Variants in NTN1 observed in about 807,000 individuals in gnomAD.
NTN1 encodes netrin 1, also known as netrin-1.
A neutral mutation model predicts 54.2 loss-of-function variants in NTN1; 11 were observed. That is an observed-to-expected ratio of 0.20 (90% CI 0.13 to 0.34). NTN1 has a LOEUF of 0.34. Ranked by LOEUF, NTN1 falls within the 10% of genes least tolerant of loss-of-function variation. The pLI is 1.00. For synonymous variants in NTN1, 371 were observed against 382.0 expected, an observed-to-expected ratio of 0.97 and a Z score of 0.33; for missense variants, 740 against 893.1, an observed-to-expected ratio of 0.83 and a Z score of 2.18.
intron 2 of NTN1, among the ~76,000 whole-genome samples, chr17:9,041,528 T>C (rs1218193387): frequency 6.6e-6 from 1 of 152,262 alleles, no homozygotes; most frequent in South Asian, 2.1e-4. Context: ...CATTTCCTTT[T>C]AATGGCTGAA....
intron 3 of NTN1, chr17:9,175,404 T>C (rs1597519214): frequency 6.6e-6 from 1 of 152,228 alleles, no homozygotes; most frequent in Non-Finnish European, 1.5e-5. Flanking sequence ...GAAGGCCCGG[T>C]GTGCCCTGCA....
chr17:9,182,860 TGTC>T (rs1597524519), intron 4 of NTN1, 53 bp from the exon 5 acceptor site: 2 of 1,575,352 alleles, frequency 1.3e-6, no homozygotes, highest in East Asian at 4.5e-5. Flanking sequence ...CAAAAAATCA[TGTC>T]GTCTTACCTT....
At chr17:9,125,013 T>A (rs1328981041) in intron 2 of NTN1, among the ~76,000 whole-genome samples, 2 of 152,184 alleles carry the variant, frequency 1.3e-5, no homozygotes, top group Non-Finnish European at 2.9e-5. Flanking sequence ...TGTATGTGTG[T>A]TTCTTTTGTA....
chr17:9,163,332 TCTC>T (rs1255537313), intron 3 of NTN1, among the ~76,000 whole-genome samples: 1 of 151,976 alleles, frequency 6.6e-6, no homozygotes, highest in Non-Finnish European at 1.5e-5. Context: ...CTCCTGGGCT[TCTC>T]CTCTGCACAG....
rs146673028 is a variant in NTN1 at position 9,196,524 on chromosome 17, T to C, written c.1411+13555T>C. ...CTCTCCCTCTGCTCCTAAAGCTGTT[T>C]GTGCGGCCACACAATGCAAGTCTCC... On this transcript the variant is annotated intron_variant, in intron 5 of 6. Coordinates refer to ENST00000173229, the MANE Select transcript of NTN1 (RefSeq NM_004822.3). Among the ~76,000 whole-genome samples, 13 of 152,364 alleles carry C rather than the reference T, an allele frequency of 8.5e-5. No individual in the cohort carries two copies. In the East Asian group the frequency reaches 2.5e-3, roughly 29 times the overall value.
chr17:9,119,256 C>T (rs901790561), intron 2 of NTN1, among the ~76,000 whole-genome samples: 4 of 152,060 alleles, frequency 2.6e-5, no homozygotes, highest in East Asian at 3.8e-4. Context: ...GGTGCGATCT[C>T]GGCTCACTGC....
At chr17:9,077,748 T>C (rs1257815363) in intron 2 of NTN1, among the ~76,000 whole-genome samples, 1 of 152,180 alleles carries the variant, frequency 6.6e-6, no homozygotes, top group Non-Finnish European at 1.5e-5. Flanking sequence ...AAAAGAAATG[T>C]ATAAACCACC....
At chr17:9,045,725 A>G (rs1426941044) in intron 2 of NTN1, among the ~76,000 whole-genome samples, 1 of 152,226 alleles carries the variant, frequency 6.6e-6, no homozygotes, top group Non-Finnish European at 1.5e-5. Flanking sequence ...TGAGCCAGAA[A>G]ACAAATATTC....
At chr17:9,184,418 C>T (rs1223826313) in intron 5 of NTN1, among the ~76,000 whole-genome samples, 1 of 152,196 alleles carries the variant, frequency 6.6e-6, no homozygotes, top group African/African-American at 2.4e-5. Context: ...CAGCACAATT[C>T]AAAGGAACAT....
intron 2 of NTN1, among the ~76,000 whole-genome samples, chr17:9,032,344 C>T (rs976191629): frequency 2.6e-4 from 40 of 152,228 alleles, no homozygotes; most frequent in Middle Eastern, 3.2e-3. Context: ...TCCGCCCCGA[C>T]GTTTCTGGGC....
chr17:9,233,694 G>A (rs1231852820), intron 6 of NTN1, among the ~76,000 whole-genome samples: 1 of 152,022 alleles, frequency 6.6e-6, no homozygotes, highest in African/African-American at 2.4e-5. Flanking sequence ...CATTCTTCAG[G>A]TTGCCTTTGA....
intron 2 of NTN1, among the ~76,000 whole-genome samples, chr17:9,028,896 T>C (rs902716643): frequency 1.1e-4 from 17 of 152,234 alleles, no homozygotes; most frequent in African/African-American, 4.1e-4. Context: ...AACAGCCTTA[T>C]CTGTGGATGC....
chr17:9,103,805 G>T (rs945023677), intron 2 of NTN1, among the ~76,000 whole-genome samples: 2 of 152,030 alleles, frequency 1.3e-5, no homozygotes, highest in African/African-American at 2.4e-5. Flanking sequence ...CAAGTACTAG[G>T]CTGGGTGCTG....
chr17:9,073,054 G>A (rs1464273935), intron 2 of NTN1, among the ~76,000 whole-genome samples: 1 of 152,254 alleles, frequency 6.6e-6, no homozygotes, highest in African/African-American at 2.4e-5. Flanking sequence ...AAAGGGGTGG[G>A]GGGACCGTCT....
At chr17:9,102,327 C>T (rs992899910) in intron 2 of NTN1, among the ~76,000 whole-genome samples, 3 of 68,394 alleles carry the variant, frequency 4.4e-5, no homozygotes, top group African/African-American at 1.4e-4. Context: ...GGGGAGCAAA[C>T]ATGTCCTTCA....
intron 2 of NTN1, among the ~76,000 whole-genome samples, chr17:9,124,294 G>T (rs1170762942): frequency 6.6e-6 from 1 of 152,242 alleles, no homozygotes; most frequent in African/African-American, 2.4e-5. Flanking sequence ...TGGAAATGTG[G>T]CAGAGGACGT....
intron 2 of NTN1, among the ~76,000 whole-genome samples, chr17:9,038,256 T>TCA (rs55701411): frequency 5.5e-4 from 80 of 146,472 alleles, no homozygotes; most frequent in Admixed American, 1.8e-3. Context: ...CTCCTCTCTT[T>TCA]CTCTCTCTCC....
chr17:9,054,920 T>G (rs1233044106), intron 2 of NTN1, among the ~76,000 whole-genome samples: 1 of 152,164 alleles, frequency 6.6e-6, no homozygotes, highest in Non-Finnish European at 1.5e-5. Context: ...TGAAGTTTCC[T>G]TAGGGGAGGG....
At chr17:9,070,420 A>C (rs185647747) in intron 2 of NTN1, among the ~76,000 whole-genome samples, 1 of 152,180 alleles carries the variant, frequency 6.6e-6, no homozygotes, top group Non-Finnish European at 1.5e-5. Flanking sequence ...CACTATTTAG[A>C]GGTCATAGAG....
Sources: gnomAD v4.1 joint callset for allele counts (sites outside exome capture counted in the v4.1 genomes callset) on GRCh38, gnomAD v4.1.1 for gene constraint, MANE v1.5 for transcripts, NCBI Gene and HGNC (gene_info 2026-07-23, HGNC 2026-07-21) for gene names.